Variants in ADCY10 observed in about 807,000 individuals in gnomAD.
ADCY10 encodes adenylate cyclase 10.
Under a neutral mutation model 183.3 loss-of-function variants are expected in ADCY10, and 156 were observed. The observed-to-expected ratio is 0.85, with a 90% CI of 0.75 to 0.97. ADCY10 has a LOEUF of 0.97. ADCY10 is among the 50% of genes least tolerant of loss of function. ADCY10 has a pLI of 0.00. For synonymous variants in ADCY10, 645 were observed against 670.0 expected (o/e 0.96, Z 0.58); for missense variants, 1,745 against 1,934.3 (o/e 0.90, Z 1.84).
intron 6 of ADCY10, 80 bp downstream of exon 6, chr1:167,899,343 G>T: frequency 7.2e-7 from 1 of 1,398,092 alleles, no homozygotes; most frequent in African/African-American, 1.4e-5. Flanking sequence ...TATGAAACCA[G>T]CGTGCCCAGT....
At chr1:167,854,268 A>C in intron 18 of ADCY10, 85 bp downstream of exon 18, 1 of 1,542,880 alleles carries the variant, frequency 6.5e-7, no homozygotes, top group Non-Finnish European at 9.0e-7. Context: ...CAGCCTGTGG[A>C]ATAGCTCATT....
At chr1:167,911,524 AC>A (rs1670148808) in intron 1 of ADCY10, among the ~76,000 whole-genome samples, 1 of 152,014 alleles carries the variant, frequency 6.6e-6, no homozygotes, top group Non-Finnish European at 1.5e-5. Context: ...GTTCTCCTCT[AC>A]CTTTGCCTCT....
rs751925856 is a variant in ADCY10, at chr1:167,880,106, C to T, written c.1216+9G>A. 6.2e-7 allele frequency: 1 copy of T among 1,609,942 alleles called. No individual in the cohort carries two copies. The highest frequency in any genetic ancestry group is 1.1e-5 in the South Asian group (1 of 89,840). Reference sequence around the variant, plus strand: ...GAAAGAAAGCTGGAGATGAGCTGACCCAGCACACCTGTGTACTCGTGTCTC... The same window carrying T: ...GAAAGAAAGCTGGAGATGAGCTGACTCAGCACACCTGTGTACTCGTGTCTC... On this transcript the variant is annotated intron_variant, in intron 11 of 32. Coordinates refer to ENST00000367851, the MANE Select transcript of ADCY10 (RefSeq NM_018417.6).
rs550447018 is a variant in ADCY10 at position 167,822,012 on chromosome 1, A to C, written c.4286+12T>G. The C allele has an allele frequency of 2.0e-4, 299 of 1,496,064 alleles. 3 individuals carry two copies. The South Asian group carries it at 3.2e-3, about 16-fold the overall frequency. The allele number at this position is 1,496,064 out of a possible 1,614,324, so 92.7% of individuals were successfully genotyped here. A position where few individuals can be genotyped will look rare whatever the true frequency, so the allele number is the denominator to read the frequency against. ...CACTTTGGGAATTTAGTGATATGCC[A>C]CACATTGTTACCAGATAGCTACAGA... On this transcript the variant is annotated intron_variant, in intron 30 of 32. Transcript: ENST00000367851.
intron 7 of ADCY10, among the ~76,000 whole-genome samples, chr1:167,894,455 C>A (rs1668817253): frequency 1.3e-5 from 2 of 152,016 alleles, no homozygotes; most frequent in Admixed American, 1.3e-4. Context: ...AGTAGTTGAG[C>A]TTCATGATCT....
At chr1:167,845,950 T>C (rs1664989523) in intron 20 of ADCY10, 35 bp downstream of exon 20, 1 of 1,613,968 alleles carries the variant, frequency 6.2e-7, no homozygotes, top group Non-Finnish European at 8.5e-7. Context: ...GATGGGTCCT[T>C]AAGAGGAAAT....
At position 167,913,963 on chromosome 1, in the gene ADCY10, T is replaced by TA. The variant is rs1247862139; in HGVS notation, c.-59+12dup. 2 of 152,264 alleles carry TA rather than the reference T, an allele frequency of 1.3e-5. No homozygotes were observed. Among genetic ancestry groups the TA allele is most frequent in the African/African-American group, 4.8e-5 (2 of 41,434 alleles). The allele number at this position is 152,264 out of a possible 1,614,324, so 9.4% of individuals were successfully genotyped here. ...CAATCAATCTTTCTGCTGAGACTCT[T>TA]ACTTCCACATACCTCCACTTCATCC... On this transcript the variant is annotated intron_variant, in intron 1 of 32. Transcript: ENST00000367851.
intron 12 of ADCY10, among the ~76,000 whole-genome samples, chr1:167,877,113 T>G (rs1047340518): frequency 2.6e-5 from 4 of 151,846 alleles, no homozygotes; most frequent in East Asian, 3.9e-4. Flanking sequence ...TGATTGCCCG[T>G]AAGGTCACAT....
intron 6 of ADCY10, among the ~76,000 whole-genome samples, chr1:167,898,487 C>T (rs965571368): frequency 1.3e-5 from 2 of 151,836 alleles, no homozygotes; most frequent in South Asian, 2.1e-4. Context: ...GTAATTCCAG[C>T]GACTCGGAAG....
intron 6 of ADCY10, among the ~76,000 whole-genome samples, chr1:167,898,524 G>A (rs561473083): frequency 7.9e-5 from 12 of 152,130 alleles, no homozygotes; most frequent in Middle Eastern, 6.8e-3. Context: ...GCTTGAACCC[G>A]GGAGGCGGAG....
chr1:167,824,346 T>C (rs565900243), intron 28 of ADCY10, 130 bp downstream of exon 28: 4 of 811,590 alleles, frequency 4.9e-6, no homozygotes, highest in South Asian at 4.1e-5. Flanking sequence ...GGGTGACTAC[T>C]ATCAGTTACA....
chr1:167,836,685 T>G (rs952867527), intron 22 of ADCY10, 145 bp from the exon 23 acceptor site: 14 of 650,126 alleles, frequency 2.2e-5, no homozygotes, highest in Admixed American at 5.2e-5. Flanking sequence ...AGATCAGGAG[T>G]TCAAGACCAG....
chr1:167,912,396 T>C (rs551327715), intron 1 of ADCY10, among the ~76,000 whole-genome samples: 1 of 152,328 alleles, frequency 6.6e-6, no homozygotes, highest in Non-Finnish European at 1.5e-5. Flanking sequence ...CACATGTTCC[T>C]GGCAACATGG....
intron 14 of ADCY10, 50 bp downstream of exon 14, chr1:167,870,207 A>G: frequency 6.2e-7 from 1 of 1,607,870 alleles, no homozygotes. Flanking sequence ...GCATCAAAAT[A>G]AATCAGGATT....
intron 21 of ADCY10, among the ~76,000 whole-genome samples, chr1:167,841,533 G>T (rs1664643346): frequency 8.7e-6 from 1 of 114,410 alleles, no homozygotes. Flanking sequence ...TAAGAGTTGG[G>T]GTCTTGCTTT....
intron 8 of ADCY10, among the ~76,000 whole-genome samples, chr1:167,883,936 T>C (rs1156352170): frequency 6.6e-6 from 1 of 152,216 alleles, no homozygotes; most frequent in Non-Finnish European, 1.5e-5. Context: ...TTTTTGGCTC[T>C]CCTATTTTTA....
chr1:167,840,053 TA>T (rs576014779), intron 21 of ADCY10, among the ~76,000 whole-genome samples: 10,821 of 121,322 alleles, frequency 0.089, 505 homozygotes, highest in African/African-American at 0.16. Context: ...GACCTGTCTA[TA>T]AAAAAAAAAA....
chr1:167,904,647 C>A (rs765333837), intron 2 of ADCY10: 1 of 581,114 alleles, frequency 1.7e-6, no homozygotes, highest in South Asian at 2.2e-5. Context: ...ATGTAAACAT[C>A]ATCTAGGGAG....
At chr1:167,912,753 G>A (rs1670232151) in intron 1 of ADCY10, among the ~76,000 whole-genome samples, 1 of 152,100 alleles carries the variant, frequency 6.6e-6, no homozygotes. Flanking sequence ...TATCTAAACC[G>A]GGATGAGGAC....
Sources: gnomAD v4.1 joint callset for allele counts (sites outside exome capture counted in the v4.1 genomes callset) on GRCh38, gnomAD v4.1.1 for gene constraint, MANE v1.5 for transcripts, NCBI Gene and HGNC (gene_info 2026-07-23, HGNC 2026-07-21) for gene names.